The following ZNF136 variants were observed in gnomAD, a reference collection of about 807,000 sequenced individuals.
ZNF136 encodes the protein zinc finger protein 136.
Under a neutral mutation model 11.4 loss-of-function variants are expected in ZNF136, and 8 were observed. The observed-to-expected ratio is 0.70, with a 90% CI of 0.41 to 1.27. The LOEUF (loss-of-function observed/expected upper bound fraction) is 1.27, where lower values mean the gene tolerates loss of function less well. ZNF136 is among the 50% of genes most tolerant of loss of function. The probability of loss-of-function intolerance (pLI) is 0.01; values close to 1 mark genes in which losing one functional copy is unlikely to be tolerated. For synonymous variants in ZNF136, 190 were observed against 207.1 expected (o/e 0.92, Z 0.71); for missense variants, 590 against 656.5 (o/e 0.90, Z 1.11).
At chr19:12,170,504 C>T (rs1193765353) in intron 1 of ZNF136, among the ~76,000 whole-genome samples, 1 of 151,368 alleles carries the variant, frequency 6.6e-6, no homozygotes, top group African/African-American at 2.4e-5. Flanking sequence ...CCTTCCATCT[C>T]ACCCTCCCAA....
intron 1 of ZNF136, among the ~76,000 whole-genome samples, chr19:12,179,836 C>T (rs996833445): frequency 6.6e-6 from 1 of 152,100 alleles, no homozygotes; most frequent in African/African-American, 2.4e-5. Flanking sequence ...CCATAAGATA[C>T]CTCAGTTGAA....
rs1262603742 is a variant in ZNF136 at position 12,187,666 on chromosome 19, G to A, written c.1288G>A (p.Val430Ile). The change falls in exon 4 of 4, where the codon GTT becomes ATT. Residue 430 changes from valine (V) to isoleucine (I), a missense_variant. Transcript: ENST00000343979. ...ATGTAAACATTGTGGTAAAGCTTTC[G>A]TTTCTTCAACATCAATTCGAATACA... ...YVCKHCGKAFVSSTSIRIHER... is the reference protein window; with the variant it reads ...YVCKHCGKAFISSTSIRIHER... 31 of 1,613,522 alleles carry A rather than the reference G, an allele frequency of 1.9e-5. No homozygotes were observed. Among genetic ancestry groups the A allele is most frequent in the South Asian group, 6.6e-5 (6 of 91,052 alleles).
chr19:12,176,961 A>AG (rs1914811895), intron 1 of ZNF136, among the ~76,000 whole-genome samples: 1 of 152,196 alleles, frequency 6.6e-6, no homozygotes, highest in African/African-American at 2.4e-5. Context: ...GGGGAGACAG[A>AG]GGCTGTGTTT....
chr19:12,188,188 A>G lies in ZNF136; in HGVS notation c.*187A>G, dbSNP rs1160081081. On this transcript the variant is annotated 3_prime_UTR_variant, in exon 4 of 4. Transcript: ENST00000343979. ...AATCATTTTAGTTCCTTTCAAATAC[A>G]TGAAAGAACTCATCATGGAGAAAAC... 3 of 455,954 alleles carry G rather than the reference A, an allele frequency of 6.6e-6. No homozygotes were observed. The highest frequency in any genetic ancestry group is 3.8e-5 in the Admixed American group (1 of 26,074). 28.2% of individuals were successfully genotyped at this position (455,954 alleles called of 1,614,324 possible). A position where few individuals can be genotyped will look rare whatever the true frequency, so the allele number is the denominator to read the frequency against.
At position 12,186,567 on chromosome 19, in the gene ZNF136, C is replaced by T; in HGVS notation, c.192-3C>T. 1 of 1,584,448 alleles carries T rather than the reference C, an allele frequency of 6.3e-7. No individual in the cohort carries two copies. The highest frequency in any genetic ancestry group is 8.6e-7 in the Non-Finnish European group (1 of 1,165,764). On this transcript the variant is annotated splice_polypyrimidine_tract_variant and splice_region_variant and intron_variant, in intron 3 of 3. Transcript: ENST00000343979. Reference sequence around the variant, plus strand: ...TTAGTAATGTCCGTCTCATTTTTTACAGAAGTCATATGTTAGAAAGACTCT... The same window carrying T: ...TTAGTAATGTCCGTCTCATTTTTTATAGAAGTCATATGTTAGAAAGACTCT...
In ZNF136 at chr19:12,173,065, G is replaced by A. The variant is rs375602314; in HGVS notation, c.3+9859G>A. ...GGAGAGTAGCATGTCTTGTAGGCCA[G>A]CAGGTAGGTGGAACTATTTGTGACA... is the stretch of plus-strand genomic sequence containing the variant. On this transcript the variant is annotated intron_variant, in intron 1 of 3. Coordinates refer to ENST00000343979, the MANE Select transcript of ZNF136 (RefSeq NM_003437.5). 1.6e-4 allele frequency among the ~76,000 whole-genome samples: 24 copies of A among 152,200 alleles called. No individual in the cohort carries two copies. In the East Asian group the frequency reaches 3.3e-3, roughly 21 times the overall value.
At chr19:12,181,335 G>A (rs1035595038) in intron 1 of ZNF136, among the ~76,000 whole-genome samples, 11 of 152,112 alleles carry the variant, frequency 7.2e-5, no homozygotes, top group Non-Finnish European at 1.5e-4. Context: ...ATCCACCCCC[G>A]GCCTAACTCT....
intron 1 of ZNF136, among the ~76,000 whole-genome samples, chr19:12,174,853 C>CTTT (rs1324162597): frequency 1.0e-5 from 1 of 98,952 alleles, no homozygotes; most frequent in Non-Finnish European, 2.0e-5. Flanking sequence ...GTCAGGATGG[C>CTTT]TTTCTTTTTT....
chr19:12,182,754 G>A (rs1914976141), intron 1 of ZNF136, among the ~76,000 whole-genome samples: 1 of 152,172 alleles, frequency 6.6e-6, no homozygotes, highest in African/African-American at 2.4e-5. Flanking sequence ...TAGGCATGGG[G>A]GTGGGGGCAC....
intron 1 of ZNF136, among the ~76,000 whole-genome samples, chr19:12,176,602 C>T (rs1914800302): frequency 6.6e-6 from 1 of 152,200 alleles, no homozygotes; most frequent in Admixed American, 6.5e-5. Context: ...GCTGGGATTA[C>T]AGACGTGAGC....
At chr19:12,185,528 T>A in intron 1 of ZNF136, 1 of 349,352 alleles carries the variant, frequency 2.9e-6, no homozygotes, top group Non-Finnish European at 5.2e-6. Flanking sequence ...TGAGCAGACA[T>A]TAGCTGGGAC....
chr19:12,170,220 G>T (rs377257015), intron 1 of ZNF136, among the ~76,000 whole-genome samples: 2 of 151,926 alleles, frequency 1.3e-5, no homozygotes, highest in East Asian at 1.9e-4. Flanking sequence ...GAGCCACCGC[G>T]CCCGGCCTTT....
At chr19:12,183,548 AATCTATCTATCTATCT>A (rs57826139) in intron 1 of ZNF136, among the ~76,000 whole-genome samples, 2,472 of 145,522 alleles carry the variant, frequency 0.017, 19 homozygotes, top group Non-Finnish European at 0.019. Context: ...CACATAACTG[AATCTATCTATCTATCT>A]ATCTATCTAT....
rs386388563 is a variant in ZNF136, at chr19:12,168,057, C to CTTTTTTTTTTTTTTTTTTTTTTTTTTTTT, written c.3+4853_3+4881dup. 4.5e-4 allele frequency among the ~76,000 whole-genome samples: 32 copies of CTTTTTTTTTTTTTTTTTTTTTTTTTTTTT among 71,102 alleles called. 5 individuals are homozygous for CTTTTTTTTTTTTTTTTTTTTTTTTTTTTT. Among genetic ancestry groups the CTTTTTTTTTTTTTTTTTTTTTTTTTTTTT allele is most frequent in the African/African-American group, 1.3e-3 (23 of 17,236 alleles). 46.6% of individuals were successfully genotyped at this position (71,102 alleles called of 152,430 possible). ...GCCCATTTTTTTTTCTTTTCTTTTT[C>CTTTTTTTTTTTTTTTTTTTTTTTTTTTTT]TTTTTTTTTTTTTTTTTTTTTTTTT... On this transcript the variant is annotated intron_variant, in intron 1 of 3. Transcript: ENST00000343979.
chr19:12,163,311 C>T (rs1410555537), intron 1 of ZNF136, 105 bp downstream of exon 1: 4 of 1,284,244 alleles, frequency 3.1e-6, no homozygotes, highest in Admixed American at 3.1e-5. Context: ...GACTCTGGGT[C>T]TGCGTACCGA....
intron 1 of ZNF136, among the ~76,000 whole-genome samples, chr19:12,170,142 G>C (rs534000024): frequency 4.7e-5 from 7 of 149,616 alleles, no homozygotes; most frequent in Non-Finnish European, 1.0e-4. Flanking sequence ...GTTAGCCAGG[G>C]TGGTCTCAAT....
rs1007968923 is a variant in ZNF136 at position 12,188,246 on chromosome 19, T to G, written c.*245T>G. ...ATGCTTTTTGGAAAGGAACCCATAT[T>G]TGAGAGAAACCCTGGGTAAAGGGTG... On this transcript the variant is annotated 3_prime_UTR_variant, in exon 4 of 4. Transcript: ENST00000343979. 4.2e-5 allele frequency: 15 copies of G among 354,470 alleles called. No homozygotes were observed. Among genetic ancestry groups the G allele is most frequent in the Non-Finnish European group, 7.1e-5 (14 of 198,080 alleles). The allele number at this position is 354,470 out of a possible 1,614,324, so 22.0% of individuals were successfully genotyped here. A position where few individuals can be genotyped will look rare whatever the true frequency, so the allele number is the denominator to read the frequency against.
intron 1 of ZNF136, among the ~76,000 whole-genome samples, chr19:12,174,409 G>T (rs1363869210): frequency 6.6e-6 from 1 of 152,138 alleles, no homozygotes; most frequent in Non-Finnish European, 1.5e-5. Flanking sequence ...GCCTGACAGT[G>T]CCTGCTCTGT....
intron 1 of ZNF136, among the ~76,000 whole-genome samples, chr19:12,174,586 G>C (rs1037830309): frequency 2.0e-5 from 3 of 152,090 alleles, no homozygotes; most frequent in Admixed American, 6.6e-5. Context: ...TTTGCCTGCT[G>C]TAATAAATAA....
Sources: allele counts gnomAD v4.1 joint callset (sites outside exome capture counted in the v4.1 genomes callset), GRCh38; gene constraint gnomAD v4.1.1; transcripts MANE v1.5; gene names NCBI Gene and HGNC (gene_info 2026-07-23, HGNC 2026-07-21).